COPG1: variants seen among roughly 807,000 people sequenced by gnomAD.
The protein encoded by COPG1 is coat protein complex I subunit gamma 1.
Under a neutral mutation model 102.8 loss-of-function variants are expected in COPG1, and 29 were observed. That is an observed-to-expected ratio of 0.28 (90% CI 0.21 to 0.38). The LOEUF (loss-of-function observed/expected upper bound fraction) is 0.38, where lower values mean the gene tolerates loss of function less well. Ranked by LOEUF, COPG1 falls within the 10% of genes least tolerant of loss-of-function variation. The pLI is 1.00. For synonymous variants in COPG1, 406 were observed against 421.6 expected (o/e 0.96, Z 0.45); for missense variants, 875 against 1,132.7 (o/e 0.77, Z 3.27).
chr3:129,251,083 C>T (rs1230981438), intron 2 of COPG1, among the ~76,000 whole-genome samples: 1 of 151,382 alleles, frequency 6.6e-6, no homozygotes, highest in Admixed American at 6.6e-5. Context: ...GCCACCACAC[C>T]CGGCTAATTT....
chr3:129,261,856 GCC>G (rs1939932264), intron 12 of COPG1, among the ~76,000 whole-genome samples: 1 of 152,122 alleles, frequency 6.6e-6, no homozygotes, highest in Non-Finnish European at 1.5e-5. Flanking sequence ...TCATAGTCAG[GCC>G]CATTCCTACC....
intron 12 of COPG1, among the ~76,000 whole-genome samples, chr3:129,263,416 G>A (rs1195234542): frequency 1.3e-5 from 2 of 152,192 alleles, no homozygotes; most frequent in Non-Finnish European, 2.9e-5. Context: ...AGCTCAGACA[G>A]GAGATAAATA....
At chr3:129,255,179 C>CTT (rs56978948) in intron 7 of COPG1, 102 bp downstream of exon 7, 463 of 609,772 alleles carry the variant, frequency 7.6e-4, no homozygotes, top group African/African-American at 3.6e-3. Context: ...TTCTTTCTTT[C>CTT]TTTTTTTTTT....
chr3:129,250,643 A>G (rs753752221), intron 1 of COPG1, 39 bp from the exon 2 acceptor site: 1 of 1,575,152 alleles, frequency 6.3e-7, no homozygotes, highest in Admixed American at 1.7e-5. Context: ...TTTGAAGTTC[A>G]GAGTCACAAC....
rs111794016 is a variant in COPG1 at position 129,274,858 on chromosome 3, T to C, written c.2277T>C (p.Thr759=). The change falls in exon 22 of 24, where the codon ACT becomes ACC. Residue 759 remains threonine (T), a synonymous_variant. Coordinates refer to ENST00000314797, the MANE Select transcript of COPG1 (RefSeq NM_016128.4). ...DEYVLEDLEV[T]VADHIQKVMK... is the part of the protein sequence containing the mutation. ...TCCAGCTGGAAGATCTGGAAGTTAC[T>C]GTAGCTGATCACATTCAAAAGGTCA... 52 of 1,614,216 alleles carry C rather than the reference T, an allele frequency of 3.2e-5. No individual in the cohort carries two copies. The highest frequency in any genetic ancestry group is 4.5e-5 in the East Asian group (2 of 44,880).
intron 10 of COPG1, 85 bp from the exon 11 acceptor site, chr3:129,260,248 G>T: frequency 2.4e-6 from 3 of 1,232,044 alleles, no homozygotes; most frequent in East Asian, 2.3e-5. Context: ...CTGAGCAGAG[G>T]GTTTGAGTCA....
At position 129,275,383 on chromosome 3, in the gene COPG1, G is replaced by A; in HGVS notation, c.2494+91G>A. ...GCTAAGGACTCCACTGTAAATATGG[G>A]GAGTCAAAATTCACAGCATTTAAAA... is the stretch of plus-strand genomic sequence containing the variant. On this transcript the variant is annotated intron_variant, in intron 23 of 23. Transcript: ENST00000314797. The surrounding 1 kb of genome is among the most constrained non-coding windows in gnomAD (Gnocchi z 5.0). 1 of 893,150 alleles carries A rather than the reference G, an allele frequency of 1.1e-6. No homozygotes were observed. The highest frequency in any genetic ancestry group is 1.8e-6 in the Non-Finnish European group (1 of 563,552). The allele number at this position is 893,150 out of a possible 1,614,324, so 55.3% of individuals were successfully genotyped here.
chr3:129,272,980 A>T, intron 21 of COPG1, 76 bp downstream of exon 21: 1 of 729,858 alleles, frequency 1.4e-6, no homozygotes, highest in Non-Finnish European at 2.3e-6. Flanking sequence ...TGACAGTGAG[A>T]CTGGAGCTGT....
rs779423804 is a variant in COPG1, at chr3:129,256,154, G to A, written c.579G>A (p.Gln193=). ...CATCCAGTGATAACATCATGGTCCA[G>A]GTGAGATGTGAGCAAGGGAGTGATA... The part of the protein sequence containing the change: ...EAASSDNIMV[Q]YHALGLLYHV... The change falls in exon 8 of 24, where the codon CAG becomes CAA. Residue 193 remains glutamine, a splice_region_variant and synonymous_variant. Transcript: ENST00000314797. The A allele has an allele frequency of 5.0e-6, 8 of 1,613,400 alleles. No homozygotes were observed. In the East Asian group the frequency reaches 6.7e-5, roughly 13 times the overall value.
chr3:129,269,287 G>C (rs9784237), intron 18 of COPG1, among the ~76,000 whole-genome samples: 10,014 of 152,186 alleles, frequency 0.066, 1,077 homozygotes, highest in African/African-American at 0.22. Flanking sequence ...GGTCCCTGGA[G>C]CCCAGGCCAG....
rs907902971 is a variant in COPG1, at chr3:129,257,552, A to G, written c.662A>G (p.His221Arg). The G allele has an allele frequency of 1.2e-6, 2 of 1,614,120 alleles. No individual in the cohort carries two copies. Among genetic ancestry groups the G allele is most frequent in the Admixed American group, 1.7e-5 (1 of 59,998 alleles). Residue 221 changes from histidine to arginine, a missense_variant, in exon 9 of 24, where the codon CAT becomes CGT. By Grantham distance (29) the His-to-Arg change is conservative (BLOSUM62 0). Transcript: ENST00000314797. ...AAGATGATCAGCAAGGTCACACGGC[A>G]TGGCCTTAAGTCTCCCTTTGCCTAC... ...VNKMISKVTR[H>R]GLKSPFAYCM...
chr3:129,254,576 T>A, intron 5 of COPG1, 92 bp from the exon 6 acceptor site: 1 of 846,132 alleles, frequency 1.2e-6, no homozygotes. Context: ...AGGAGGCTCG[T>A]GTAGTAATCT....
chr3:129,254,866 A>C (rs1939773505), intron 6 of COPG1, 119 bp from the exon 7 acceptor site: 4 of 1,177,996 alleles, frequency 3.4e-6, no homozygotes, highest in Non-Finnish European at 3.8e-6. Flanking sequence ...GGCAGTGTGC[A>C]GGAGCACATG....
chr3:129,266,191 C>T (rs543691909), intron 14 of COPG1, among the ~76,000 whole-genome samples: 87 of 152,224 alleles, frequency 5.7e-4, no homozygotes, highest in Middle Eastern at 3.4e-3. Flanking sequence ...AGGATTGTCT[C>T]GATCTCTTGA....
chr3:129,268,614 A>C lies in COPG1; in HGVS notation c.1768A>C (p.Arg590=). The change falls in exon 17 of 24, where the codon AGA becomes CGA. Residue 590 remains arginine, a synonymous_variant. Transcript: ENST00000314797. ...GGCCACGGCGCCCATGGCAGAGCAG[A>C]GAACAGGTAACACTTATACTCCTCC... The part of the protein sequence containing the change: ...PLATAPMAEQ[R]TESTPITAVK... The C allele has an allele frequency of 6.2e-7, 1 of 1,614,120 alleles. No individual in the cohort carries two copies. The highest frequency in any genetic ancestry group is 8.5e-7 in the Non-Finnish European group (1 of 1,180,010).
intron 18 of COPG1, 23 bp downstream of exon 18, chr3:129,269,023 T>C: frequency 6.2e-7 from 1 of 1,609,230 alleles, no homozygotes; most frequent in Non-Finnish European, 8.5e-7. Flanking sequence ...GGTTGGGGGA[T>C]GCTTGGGACC....
Position 129,265,643 on chromosome 3 carries a change from GC to G in COPG1, c.1320del (p.Cys440TrpfsTer53). The stretch of plus-strand genomic sequence containing the variant: ...AAGGAGACAGGGCTGTCACATCTGT[GC>G]GAGTTCATCGAGGACTGCGAGTTCA... ...ESKETGLSHLCEFIEDCEFTV... is the reference protein window; with the variant it reads ...ESKETGLSHLXEFIEDCEFTV... On this transcript the variant is annotated frameshift_variant, in exon 14 of 24. Coordinates refer to ENST00000314797, the MANE Select transcript of COPG1 (RefSeq NM_016128.4). LOFTEE classifies it high-confidence loss of function. The G allele has an allele frequency of 6.2e-7, 1 of 1,614,230 alleles. No homozygotes were observed. Among genetic ancestry groups the G allele is most frequent in the Non-Finnish European group, 8.5e-7 (1 of 1,180,044 alleles).
chr3:129,263,317 G>A (rs1386095811), intron 12 of COPG1, among the ~76,000 whole-genome samples: 1 of 152,160 alleles, frequency 6.6e-6, no homozygotes, highest in Non-Finnish European at 1.5e-5. Flanking sequence ...AGGAGATGGA[G>A]ATGTTTGTGG....
intron 12 of COPG1, among the ~76,000 whole-genome samples, chr3:129,262,314 G>T (rs1221008601): frequency 1.3e-5 from 2 of 150,282 alleles, no homozygotes; most frequent in African/African-American, 2.5e-5. Flanking sequence ...GTGCAGTGGT[G>T]TGACCTCAGC....
Sources: gnomAD v4.1 joint callset for allele counts (sites outside exome capture counted in the v4.1 genomes callset) on GRCh38, gnomAD v4.1.1 for gene constraint, Gnocchi (gnomAD v3.1) non-coding constraint, MANE v1.5 for transcripts, NCBI Gene and HGNC (gene_info 2026-07-23, HGNC 2026-07-21) for gene names.